UTRN: variants seen among roughly 807,000 people sequenced by gnomAD.
The protein encoded by UTRN is dystrophin-related protein 1.
A neutral mutation model predicts 463.9 loss-of-function variants in UTRN; 283 were observed. The observed-to-expected ratio is 0.61, with a 90% confidence interval of 0.55 to 0.67. UTRN has a LOEUF of 0.67. Ranked by LOEUF, UTRN falls within the 30% of genes least tolerant of loss-of-function variation. The probability of loss-of-function intolerance (pLI) is 0.00; values close to 1 mark genes in which losing one functional copy is unlikely to be tolerated. For synonymous variants in UTRN, 1,442 were observed against 1,431.5 expected (o/e 1.01, Z -0.17); for missense variants, 3,922 against 4,084.3 (o/e 0.96, Z 1.08).
At chr6:144,489,918 C>T (rs540655773) in intron 30 of UTRN, among the ~76,000 whole-genome samples, 153 bp from the exon 31 acceptor site, 23 of 152,180 alleles carry the variant, frequency 1.5e-4, no homozygotes, top group Non-Finnish European at 7.4e-5. Flanking sequence ...CCGCACCTGG[C>T]CTACAAAAAC....
At chr6:144,316,915 A>G (rs1438483523) in intron 2 of UTRN, among the ~76,000 whole-genome samples, 1 of 152,230 alleles carries the variant, frequency 6.6e-6, no homozygotes, top group East Asian at 1.9e-4. Context: ...ATTTTGAAAA[A>G]GCAAAAATCA....
chr6:144,383,189 C>A (rs1186708607), intron 2 of UTRN, among the ~76,000 whole-genome samples: 1 of 152,188 alleles, frequency 6.6e-6, no homozygotes, highest in Non-Finnish European at 1.5e-5. Context: ...GCCTTAGCCT[C>A]CCAAAGTGTT....
intron 2 of UTRN, among the ~76,000 whole-genome samples, chr6:144,301,027 G>A (rs966433889): frequency 2.0e-5 from 3 of 151,790 alleles, no homozygotes; most frequent in African/African-American, 7.3e-5. Flanking sequence ...AGTGTTAAAG[G>A]CTCCTGGACT....
At chr6:144,842,822 C>A (rs1781702891) in intron 73 of UTRN, among the ~76,000 whole-genome samples, 1 of 151,824 alleles carries the variant, frequency 6.6e-6, no homozygotes, top group Non-Finnish European at 1.5e-5. Flanking sequence ...ACCTCCCCAC[C>A]CCCCAAAGCA....
At chr6:144,675,038 A>G (rs1317265337) in intron 51 of UTRN, among the ~76,000 whole-genome samples, 1 of 152,170 alleles carries the variant, frequency 6.6e-6, no homozygotes, top group Non-Finnish European at 1.5e-5. Flanking sequence ...TTATTTTTTC[A>G]TATTACCAGA....
At chr6:144,436,258 A>C in intron 10 of UTRN, 120 bp downstream of exon 10, 1 of 1,051,214 alleles carries the variant, frequency 9.5e-7, no homozygotes, top group Non-Finnish European at 1.4e-6. Flanking sequence ...TCAATGGTTT[A>C]TTTCAGGAAC....
rs780414589 is a variant in UTRN at position 144,391,651 on chromosome 6, GT to G, written c.80-11464del. ...TAAGCTGCAGCTCTGTGTCATTTTT[GT>G]TTTTTTTGAGACAGAGTCTCTCTCT... On this transcript the variant is annotated intron_variant, in intron 2 of 74. Transcript: ENST00000367545. Among the ~76,000 whole-genome samples the G allele has an allele frequency of 3.3e-5, 5 of 151,796 alleles. No homozygotes were observed. The South Asian group carries it at 6.3e-4, about 19-fold the overall frequency.
intron 51 of UTRN, among the ~76,000 whole-genome samples, chr6:144,610,282 G>A (rs1482504812): frequency 6.7e-6 from 1 of 149,672 alleles, no homozygotes; most frequent in Non-Finnish European, 1.5e-5. Context: ...AGGATCATAA[G>A]AACTGAACAA....
intron 2 of UTRN, among the ~76,000 whole-genome samples, chr6:144,370,341 G>A (rs564087252): frequency 2.6e-5 from 4 of 152,328 alleles, no homozygotes; most frequent in South Asian, 2.1e-4. Flanking sequence ...AGGGGCCAAC[G>A]TATAGCTCAG....
At chr6:144,806,935 A>G (rs1184112177) in intron 65 of UTRN, among the ~76,000 whole-genome samples, 3 of 151,914 alleles carry the variant, frequency 2.0e-5, no homozygotes, top group African/African-American at 7.3e-5. Flanking sequence ...CATTTGCTCT[A>G]CTCTTTTAAG....
intron 51 of UTRN, among the ~76,000 whole-genome samples, chr6:144,603,494 G>C (rs1804488803): frequency 6.6e-6 from 1 of 152,056 alleles, no homozygotes; most frequent in Non-Finnish European, 1.5e-5. Flanking sequence ...AGAATTTTTT[G>C]TTATATTTAT....
In UTRN at chr6:144,482,271, G is replaced by A. The variant is rs1791964712; in HGVS notation, c.3570G>A (p.Lys1190=). 6.2e-7 allele frequency: 1 copy of A among 1,609,342 alleles called. No homozygotes were observed. Among genetic ancestry groups the A allele is most frequent in the Non-Finnish European group, 8.5e-7 (1 of 1,178,710 alleles). ...TGAAGATTCTCAAGGACAACATCAA[G>A]TTATTAGCTGCCAAGGTGCCCTCTG... The part of the protein sequence containing the change: ...VRVKILKDNI[K]LLAAKVPSGG... Residue 1190 remains lysine (K), a synonymous_variant, in exon 27 of 75, where the codon AAG becomes AAA. Transcript: ENST00000367545.
intron 46 of UTRN, among the ~76,000 whole-genome samples, chr6:144,543,360 A>C (rs1323998802): frequency 6.6e-6 from 1 of 152,240 alleles, no homozygotes; most frequent in Non-Finnish European, 1.5e-5. Context: ...AATACTTCTC[A>C]CTTGGATGTG....
chr6:144,611,683 C>T (rs192688343), intron 51 of UTRN, among the ~76,000 whole-genome samples: 9 of 152,060 alleles, frequency 5.9e-5, no homozygotes, highest in South Asian at 4.2e-4. Context: ...AACTATAAAA[C>T]GCTGGTGAAG....
chr6:144,635,348 G>A (rs557521534), intron 51 of UTRN, among the ~76,000 whole-genome samples: 3 of 151,002 alleles, frequency 2.0e-5, no homozygotes, highest in Non-Finnish European at 3.0e-5. Flanking sequence ...ACAGGGTTTC[G>A]CCACATTACC....
At chr6:144,507,043 G>A (rs557290957) in intron 34 of UTRN, among the ~76,000 whole-genome samples, 4 of 151,502 alleles carry the variant, frequency 2.6e-5, no homozygotes, top group East Asian at 2.0e-4. Context: ...GCTTTCTTCC[G>A]CTTGATCGAT....
At chr6:144,555,418 G>A (rs1052880239) in intron 49 of UTRN, among the ~76,000 whole-genome samples, 17 of 152,094 alleles carry the variant, frequency 1.1e-4, no homozygotes, top group Admixed American at 7.9e-4. Flanking sequence ...AGAGATAGAA[G>A]GGAGAAGTGC....
chr6:144,540,042 CAA>C (rs34524619), intron 45 of UTRN, among the ~76,000 whole-genome samples: 16 of 121,266 alleles, frequency 1.3e-4, no homozygotes, highest in Admixed American at 8.4e-5. Flanking sequence ...GACCCTGTCT[CAA>C]AAAAAAAAAA....
At chr6:144,368,914 T>G (rs887184430) in intron 2 of UTRN, among the ~76,000 whole-genome samples, 2 of 152,230 alleles carry the variant, frequency 1.3e-5, no homozygotes, top group African/African-American at 4.8e-5. Flanking sequence ...CTTTTTACTG[T>G]GTTTGACTTA....
Sources: allele counts gnomAD v4.1 joint callset (sites outside exome capture counted in the v4.1 genomes callset), GRCh38; gene constraint gnomAD v4.1.1; transcripts MANE v1.5; gene names NCBI Gene and HGNC (gene_info 2026-07-23, HGNC 2026-07-21).